Variants in GLB1 observed in about 807,000 individuals in gnomAD.
GLB1 encodes the protein beta-galactosidase.
In GLB1, 56 loss-of-function variants were observed where a neutral mutation model predicts 74.0. That is an observed-to-expected ratio of 0.76 (90% CI 0.61 to 0.94). The LOEUF (loss-of-function observed/expected upper bound fraction) is 0.94, where lower values mean the gene tolerates loss of function less well. GLB1 is among the 40% of genes least tolerant of loss of function. The pLI, the probability that GLB1 is intolerant of heterozygous loss-of-function variation, is 0.00. For synonymous variants in GLB1, 323 were observed against 323.6 expected (o/e 1.00, Z 0.02); for missense variants, 787 against 845.5 (o/e 0.93, Z 0.86).
At chr3:33,068,380 A>C (rs538569143) in intron 3 of GLB1, 90 bp from the exon 4 acceptor site, 1 of 1,554,242 alleles carries the variant, frequency 6.4e-7, no homozygotes, top group Non-Finnish European at 8.7e-7. Flanking sequence ...TATGGAAAAG[A>C]ATAAAAGCTT....
At chr3:32,962,969 C>T in the GLB1 span, among the ~76,000 whole-genome samples, 2 of 151,712 alleles carry the variant, frequency 1.3e-5, no homozygotes, top group African/African-American at 2.4e-5. Flanking sequence ...GAATGAACAA[C>T]AACAAAAAAT....
At chr3:33,083,519 G>T (rs1700400343) in intron 1 of GLB1, among the ~76,000 whole-genome samples, 1 of 152,052 alleles carries the variant, frequency 6.6e-6, no homozygotes, top group Non-Finnish European at 1.5e-5. Flanking sequence ...GATTTGACCT[G>T]TGTGCAAATT....
At chr3:32,967,872 G>C in the GLB1 span, among the ~76,000 whole-genome samples, 1 of 152,182 alleles carries the variant, frequency 6.6e-6, no homozygotes, top group Admixed American at 6.5e-5. Context: ...TGGGGGTGGG[G>C]CTGCAGGACA....
At chr3:33,094,441 T>C in intron 1 of GLB1, 1 of 1,073,134 alleles carries the variant, frequency 9.3e-7, no homozygotes, top group Non-Finnish European at 1.2e-6. Context: ...CTAGCTATAC[T>C]TTATTATTCA....
intron 1 of GLB1, chr3:33,091,181 G>A (rs1258785630): frequency 2.0e-6 from 2 of 985,294 alleles, no homozygotes; most frequent in African/African-American, 3.5e-5. Flanking sequence ...GGACAGTGAA[G>A]AGAGAAAAAA....
chr3:33,021,025 G>T (rs1697448231), intron 12 of GLB1, among the ~76,000 whole-genome samples: 1 of 150,576 alleles, frequency 6.6e-6, no homozygotes, highest in African/African-American at 2.4e-5. Context: ...ACAAAATGCT[G>T]GGAAAAACTT....
chr3:32,971,739 C>T, the GLB1 span, among the ~76,000 whole-genome samples: 628 of 149,434 alleles, frequency 4.2e-3, no homozygotes, highest in Non-Finnish European at 6.8e-3. Context: ...TATGGAGAAA[C>T]GCCCAGAACG....
rs1553610313 is a variant in GLB1 at position 33,051,615 on chromosome 3, A to AGAAAAG, written c.955+142_955+143insCTTTTC. ...GTGAGACTGTCTACAAAAAAAAAAA[A>AGAAAAG]AAAAGAAAAAGAAAAAAAAAGAAAA... On this transcript the variant is annotated intron_variant, in intron 9 of 15. Transcript: ENST00000307363. 3 of 1,176,710 alleles carry AGAAAAG rather than the reference A, an allele frequency of 2.5e-6. No homozygotes were observed. In the East Asian group the frequency reaches 8.7e-5, roughly 34 times the overall value. The allele number at this position is 1,176,710 out of a possible 1,614,324, so 72.9% of individuals were successfully genotyped here.
At chr3:32,995,500 C>T (rs1696292338), downstream of GLB1, among the ~76,000 whole-genome samples, 1 of 152,032 alleles carries the variant, frequency 6.6e-6, no homozygotes, top group African/African-American at 2.4e-5. Flanking sequence ...ACGTCCTTAA[C>T]TAAGTTCCAG....
chr3:33,065,968 C>CAA (rs35555652), intron 4 of GLB1, among the ~76,000 whole-genome samples: 57,545 of 123,460 alleles, frequency 0.47, 15,404 homozygotes, highest in Non-Finnish European at 0.6. Context: ...AACTCTGTCT[C>CAA]AAAAAAAAAA....
the GLB1 span, among the ~76,000 whole-genome samples, chr3:32,981,417 G>GAA: frequency 7.0e-4 from 80 of 113,564 alleles, no homozygotes; most frequent in Middle Eastern, 5.2e-3. Flanking sequence ...AAAAAAAAAA[G>GAA]AAAAAGAAAA....
At chr3:33,038,001 C>T (rs1170723164) in intron 10 of GLB1, 1 of 108,972 alleles carries the variant, frequency 9.2e-6, no homozygotes, top group Non-Finnish European at 1.7e-5. Context: ...ACCTCTCACA[C>T]AATACTGGGC....
chr3:33,020,857 A>G (rs35777526), intron 12 of GLB1, among the ~76,000 whole-genome samples: 14,719 of 152,224 alleles, frequency 0.097, 867 homozygotes, highest in Non-Finnish European at 0.13. Flanking sequence ...CATGGTGCTG[A>G]TAACTCAAAT....
At chr3:33,068,042 T>C (rs1345987362) in intron 4 of GLB1, among the ~76,000 whole-genome samples, 188 bp downstream of exon 4, 1 of 152,132 alleles carries the variant, frequency 6.6e-6, no homozygotes, top group Non-Finnish European at 1.5e-5. Context: ...CCCACCACCA[T>C]GCCCAGCTAA....
intron 9 of GLB1, among the ~76,000 whole-genome samples, chr3:33,047,916 T>C (rs551440089): frequency 2.2e-4 from 34 of 152,172 alleles, no homozygotes; most frequent in Non-Finnish European, 3.8e-4. Flanking sequence ...CTTAAGGGAT[T>C]CATAGGTTAA....
the GLB1 span, among the ~76,000 whole-genome samples, chr3:32,981,399 C>CA: frequency 0.44 from 40,014 of 90,008 alleles, 9,181 homozygotes; most frequent in East Asian, 0.7. Context: ...GACTCCATCT[C>CA]AAAAAAAAAA....
chr3:32,973,549 G>A, the GLB1 span, among the ~76,000 whole-genome samples: 1,237 of 151,982 alleles, frequency 8.1e-3, 14 homozygotes, highest in African/African-American at 0.027. Context: ...TGCCACATTC[G>A]AGACCAGGCT....
chr3:32,995,195 G>A (rs966782795), downstream of GLB1, among the ~76,000 whole-genome samples: 2 of 152,090 alleles, frequency 1.3e-5, no homozygotes, highest in African/African-American at 4.8e-5. Context: ...TGTACACGCT[G>A]ATGAGGCAAC....
At chr3:32,999,411 C>G (rs759489724) in intron 15 of GLB1, among the ~76,000 whole-genome samples, 1 of 152,178 alleles carries the variant, frequency 6.6e-6, no homozygotes, top group Non-Finnish European at 1.5e-5. Flanking sequence ...ACCACACAGG[C>G]TTCATGCTAT....
Sources: allele counts gnomAD v4.1 joint callset (sites outside exome capture counted in the v4.1 genomes callset), GRCh38; gene constraint gnomAD v4.1.1; transcripts MANE v1.5; gene names NCBI Gene and HGNC (gene_info 2026-07-23, HGNC 2026-07-21).